DDX10: variants seen among roughly 807,000 people sequenced by gnomAD.
DDX10 encodes probable ATP-dependent RNA helicase DDX10.
A neutral mutation model predicts 104.3 loss-of-function variants in DDX10; 74 were observed. The observed-to-expected ratio is 0.71, with a 90% CI of 0.59 to 0.86. The LOEUF (loss-of-function observed/expected upper bound fraction) is 0.86. Among genes scored for constraint, DDX10 ranks in the 40% least tolerant of loss-of-function variants. The probability of loss-of-function intolerance (pLI) is 0.00; values close to 1 mark genes in which losing one functional copy is unlikely to be tolerated. For synonymous variants in DDX10, 351 were observed against 353.4 expected, an observed-to-expected ratio of 0.99 and a Z score of 0.08; for missense variants, 952 against 1,040.0, an observed-to-expected ratio of 0.92 and a Z score of 1.16.
chr11:108,864,650 AG>A (rs1862984985), intron 16 of DDX10, among the ~76,000 whole-genome samples: 1 of 151,578 alleles, frequency 6.6e-6, no homozygotes, highest in Non-Finnish European at 1.5e-5. Flanking sequence ...TGTAGAGATG[AG>A]GTCTTCCTGT....
At chr11:108,740,133 C>T (rs563564082) in intron 13 of DDX10, among the ~76,000 whole-genome samples, 1 of 152,024 alleles carries the variant, frequency 6.6e-6, no homozygotes, top group Non-Finnish European at 1.5e-5. Context: ...CCTCACTCAC[C>T]TTCCTGTCTC....
chr11:108,688,560 A>T (rs977942894), intron 6 of DDX10, among the ~76,000 whole-genome samples: 1 of 152,162 alleles, frequency 6.6e-6, no homozygotes, highest in African/African-American at 2.4e-5. Context: ...GAAAATTGTA[A>T]GTATACAGTT....
intron 15 of DDX10, among the ~76,000 whole-genome samples, chr11:108,845,808 A>G (rs772286847): frequency 7.9e-5 from 12 of 152,320 alleles, no homozygotes; most frequent in South Asian, 2.1e-4. Flanking sequence ...TTTAAAGGAT[A>G]GGATATTTAA....
chr11:108,740,365 A>G (rs1309565590), intron 13 of DDX10, among the ~76,000 whole-genome samples: 1 of 152,052 alleles, frequency 6.6e-6, no homozygotes, highest in Admixed American at 6.6e-5. Flanking sequence ...TACATACCAC[A>G]TTTTCTTTAT....
intron 16 of DDX10, among the ~76,000 whole-genome samples, chr11:108,914,717 C>T (rs1304678672): frequency 6.6e-6 from 1 of 151,688 alleles, no homozygotes; most frequent in African/African-American, 2.4e-5. Context: ...GCTGACTTAG[C>T]TCAGATTTGA....
chr11:108,728,322 A>T (rs2094307789), intron 13 of DDX10, among the ~76,000 whole-genome samples: 1 of 152,066 alleles, frequency 6.6e-6, no homozygotes, highest in Non-Finnish European at 1.5e-5. Context: ...ACTCTGCAAG[A>T]GTGGTTTTGA....
intron 13 of DDX10, among the ~76,000 whole-genome samples, chr11:108,763,509 A>G (rs1445084692): frequency 2.0e-5 from 3 of 152,232 alleles, no homozygotes; most frequent in African/African-American, 2.4e-5. Context: ...TTAACATTTC[A>G]GAATGCATAC....
intron 16 of DDX10, among the ~76,000 whole-genome samples, chr11:108,874,177 G>GA (rs889647260): frequency 4.6e-5 from 7 of 151,908 alleles, no homozygotes; most frequent in Non-Finnish European, 8.8e-5. Flanking sequence ...GGACTTACGG[G>GA]AAAAAAAATA....
intron 16 of DDX10, among the ~76,000 whole-genome samples, chr11:108,871,673 A>G (rs1399380078): frequency 3.3e-5 from 5 of 152,196 alleles, no homozygotes; most frequent in South Asian, 2.1e-4. Flanking sequence ...TCACGCCTCA[A>G]TCCCAGCACT....
At chr11:108,926,320 T>C (rs1424201818) in intron 17 of DDX10, among the ~76,000 whole-genome samples, 1 of 151,864 alleles carries the variant, frequency 6.6e-6, no homozygotes, top group Non-Finnish European at 1.5e-5. Context: ...GGATGATTTA[T>C]GACGAGAAAA....
intron 16 of DDX10, among the ~76,000 whole-genome samples, chr11:108,894,814 A>G (rs531276427): frequency 6.6e-6 from 1 of 151,996 alleles, no homozygotes; most frequent in Non-Finnish European, 1.5e-5. Context: ...TTTTGAGGGC[A>G]CTCGGGCATT....
chr11:108,788,232 T>G (rs1053559214), intron 13 of DDX10, among the ~76,000 whole-genome samples: 2 of 152,214 alleles, frequency 1.3e-5, no homozygotes, highest in Non-Finnish European at 2.9e-5. Context: ...TGCTGATTCT[T>G]TCTTGTGTGT....
At chr11:108,702,075 A>G (rs1269848733) in intron 9 of DDX10, among the ~76,000 whole-genome samples, 4 of 149,850 alleles carry the variant, frequency 2.7e-5, no homozygotes, top group Middle Eastern at 3.4e-3. Flanking sequence ...CACATGACAC[A>G]TGCCCTCAAA....
At chr11:108,673,662 G>A (rs2094220074) in intron 2 of DDX10, 135 bp downstream of exon 2, 1 of 625,532 alleles carries the variant, frequency 1.6e-6, no homozygotes, top group Non-Finnish European at 2.8e-6. Context: ...ATGAAAATAA[G>A]CAATATTCAA....
chr11:108,790,769 T>TC (rs1446234083), intron 13 of DDX10, among the ~76,000 whole-genome samples: 1 of 152,144 alleles, frequency 6.6e-6, no homozygotes, highest in Non-Finnish European at 1.5e-5. Context: ...TTTTGTTTTT[T>TC]TTTTTGACTC....
At chr11:108,841,212 G>C in intron 14 of DDX10, 103 bp from the exon 15 acceptor site, 1 of 926,324 alleles carries the variant, frequency 1.1e-6, no homozygotes, top group South Asian at 1.7e-5. Flanking sequence ...TTGTAAGGCA[G>C]AAAATGGGTA....
chr11:108,898,751 T>TA lies in DDX10; in HGVS notation c.2305-19121dup, dbSNP rs1320302007. Among the ~76,000 whole-genome samples, 4 of 152,170 alleles carry TA rather than the reference T, an allele frequency of 2.6e-5. No individual in the cohort carries two copies. The East Asian group carries it at 7.7e-4, about 29-fold the overall frequency. ...GGGAGCCTGACTGGTAAGAAATACTTACACTCTTGCTAGCTTGTCAGGCTC... is the reference window on the plus strand; with the variant it reads ...GGGAGCCTGACTGGTAAGAAATACTTAACACTCTTGCTAGCTTGTCAGGCTC... On this transcript the variant is annotated intron_variant, in intron 16 of 17. Transcript: ENST00000322536.
At chr11:108,893,615 A>G (rs1863403893) in intron 16 of DDX10, among the ~76,000 whole-genome samples, 1 of 152,032 alleles carries the variant, frequency 6.6e-6, no homozygotes, top group South Asian at 2.1e-4. Context: ...CTTAAAAAAA[A>G]AACTGCACGA....
chr11:108,922,243 C>CAAAAAAAAAAAAAAAAAAA (rs3030537), intron 17 of DDX10: 7 of 79,320 alleles, frequency 8.8e-5, no homozygotes, highest in African/African-American at 2.2e-4. Flanking sequence ...GACTCCATCT[C>CAAAAAAAAAAAAAAAAAAA]AAAAAAAAAA....
Sources: allele counts gnomAD v4.1 joint callset (sites outside exome capture counted in the v4.1 genomes callset), GRCh38; gene constraint gnomAD v4.1.1; transcripts MANE v1.5; gene names NCBI Gene and HGNC (gene_info 2026-07-23, HGNC 2026-07-21).